LNX2: variants seen among roughly 807,000 people sequenced by gnomAD.
The protein encoded by LNX2 is ligand of Numb protein X 2.
Under a neutral mutation model 66.2 loss-of-function variants are expected in LNX2, and 35 were observed. That is an observed-to-expected ratio of 0.53 (90% CI 0.40 to 0.70). LNX2 has a LOEUF of 0.70. LNX2 is among the 30% of genes least tolerant of loss of function. The probability of loss-of-function intolerance (pLI) is 0.00; values close to 1 mark genes in which losing one functional copy is unlikely to be tolerated. For missense variants in LNX2, 791 were observed against 850.8 expected, an observed-to-expected ratio of 0.93 and a Z score of 0.87; for synonymous variants, 337 against 315.6, an observed-to-expected ratio of 1.07 and a Z score of -0.72.
At chr13:27,607,347 A>G (rs1203984182) in intron 1 of LNX2, among the ~76,000 whole-genome samples, 1 of 152,294 alleles carries the variant, frequency 6.6e-6, no homozygotes. Context: ...CATGGGTCAC[A>G]CTCCAAGTTC....
At chr13:27,557,273 C>G (rs1374865566) in intron 6 of LNX2, among the ~76,000 whole-genome samples, 1 of 151,946 alleles carries the variant, frequency 6.6e-6, no homozygotes, top group East Asian at 1.9e-4. Context: ...ATTATTGACC[C>G]CATTTTACAG....
At chr13:27,567,898 C>A in intron 3 of LNX2, 59 bp from the exon 4 acceptor site, 1 of 1,351,016 alleles carries the variant, frequency 7.4e-7, no homozygotes, top group Non-Finnish European at 1.1e-6. Flanking sequence ...ACAAACCCAA[C>A]AATTTATATT....
At chr13:27,609,419 G>A (rs990348784) in intron 1 of LNX2, among the ~76,000 whole-genome samples, 6 of 152,058 alleles carry the variant, frequency 3.9e-5, no homozygotes, top group Non-Finnish European at 5.9e-5. Flanking sequence ...GCTTCCCAAC[G>A]TGCTGGGTTT....
chr13:27,559,900 C>G lies in LNX2; in HGVS notation c.1310G>C (p.Ser437Thr). The G allele has an allele frequency of 1.2e-6, 2 of 1,611,232 alleles. No homozygotes were observed. The highest frequency in any genetic ancestry group is 4.5e-5 in the East Asian group (2 of 44,774). The part of the protein sequence containing the change: ...GNTIREAGNH[S>T]SSSQHHTPPP... The stretch of plus-strand genomic sequence containing the variant: ...TGGTGTGTGGTGCTGGCTGCTGCTG[C>G]TATGATTTCCTGCTTCTCTAATGGT... The change falls in exon 6 of 10, where the codon AGC (serine) becomes ACC (threonine). Residue 437 changes from serine (S) to threonine (T), a missense_variant. Physicochemically the swap from Ser to Thr is moderately conservative, Grantham distance 58. Transcript: ENST00000316334.
rs1446353767 is a variant in LNX2 at position 27,556,258 on chromosome 13, T to C, written c.1524A>G (p.Ala508=). ...VTSVPPHGCL[A]RDGRIKRGDV... ...TACCTCTCTTTATTCTGCCATCTCG[T>C]GCAAGGCAGCCATGGGGTGGCACAC... Residue 508 remains alanine, a synonymous_variant, in exon 7 of 10, where the codon GCA becomes GCG. Transcript: ENST00000316334. 1 of 1,613,858 alleles carries C rather than the reference T, an allele frequency of 6.2e-7. No homozygotes were observed. The highest frequency in any genetic ancestry group is 8.5e-7 in the Non-Finnish European group (1 of 1,179,938).
chr13:27,563,441 G>C (rs977637647), intron 4 of LNX2, among the ~76,000 whole-genome samples: 1 of 152,114 alleles, frequency 6.6e-6, no homozygotes, highest in Admixed American at 6.5e-5. Context: ...ACCATTAAAA[G>C]TAAAATATAA....
chr13:27,569,347 A>G lies in LNX2; in HGVS notation c.408-71T>C, dbSNP rs940356961. 12 of 1,512,010 alleles carry G rather than the reference A, an allele frequency of 7.9e-6. No homozygotes were observed. The African/African-American group carries it at 1.4e-4, about 18-fold the overall frequency. The allele number at this position is 1,512,010 out of a possible 1,614,324, so 93.7% of individuals were successfully genotyped here. ...ACAAACAAATAAAATAGGGAGGGGGACTAATAGCTTCTACACAAACAGAAC... is the reference window on the plus strand; with the variant it reads ...ACAAACAAATAAAATAGGGAGGGGGGCTAATAGCTTCTACACAAACAGAAC... On this transcript the variant is annotated intron_variant, in intron 2 of 9. Transcript: ENST00000316334.
In LNX2 at chr13:27,569,023, A is replaced by T. The variant is rs1955241681; in HGVS notation, c.655+6T>A. The T allele has an allele frequency of 6.2e-7, 1 of 1,611,238 alleles. No homozygotes were observed. The highest frequency in any genetic ancestry group is 1.1e-5 in the South Asian group (1 of 90,694). Reference sequence around the variant, plus strand: ...TGAAATACACAAGGAGTTGCACCACACATACTGTCAGCTCCAGCGCTCTCC... The same window carrying T: ...TGAAATACACAAGGAGTTGCACCACTCATACTGTCAGCTCCAGCGCTCTCC... On this transcript the variant is annotated splice_donor_region_variant and intron_variant, in intron 3 of 9. Coordinates refer to ENST00000316334, the MANE Select transcript of LNX2 (RefSeq NM_153371.4).
intron 1 of LNX2, among the ~76,000 whole-genome samples, chr13:27,592,778 G>C (rs979287109): frequency 1.6e-4 from 25 of 152,186 alleles, no homozygotes; most frequent in African/African-American, 4.8e-4. Context: ...GAATTGTACA[G>C]AGAAAGCAGA....
chr13:27,548,212 T>G lies in LNX2; in HGVS notation c.*123A>C. The G allele has an allele frequency of 1.2e-6, 1 of 814,000 alleles. No individual in the cohort carries two copies. Among genetic ancestry groups the G allele is most frequent in the South Asian group, 1.8e-5 (1 of 57,094 alleles). 50.4% of individuals were successfully genotyped at this position (814,000 alleles called of 1,614,324 possible). A position where few individuals can be genotyped will look rare whatever the true frequency, so the allele number is the denominator to read the frequency against. ...AACATAAACGGACAATCTTAGTGGG[T>G]TTTGGCCCTGTGTATACCAGCAGTG... On this transcript the variant is annotated 3_prime_UTR_variant, in exon 10 of 10. Coordinates refer to ENST00000316334, the MANE Select transcript of LNX2 (RefSeq NM_153371.4).
At chr13:27,549,934 G>A (rs910608136) in intron 9 of LNX2, among the ~76,000 whole-genome samples, 5 of 152,128 alleles carry the variant, frequency 3.3e-5, no homozygotes, top group Non-Finnish European at 5.9e-5. Context: ...CTTACTCAGC[G>A]CTCAATGTCA....
At chr13:27,617,009 A>T (rs988517681) in intron 1 of LNX2, among the ~76,000 whole-genome samples, 3 of 152,150 alleles carry the variant, frequency 2.0e-5, no homozygotes, top group African/African-American at 7.2e-5. Context: ...CAGCCTCCCA[A>T]AGTGCTAGAA....
chr13:27,605,668 T>C (rs1468448180), intron 1 of LNX2, among the ~76,000 whole-genome samples: 1 of 152,194 alleles, frequency 6.6e-6, no homozygotes, highest in African/African-American at 2.4e-5. Context: ...GCTCCAGTCC[T>C]TAAATGAAAA....
intron 1 of LNX2, among the ~76,000 whole-genome samples, chr13:27,601,911 G>A (rs1445260754): frequency 1.3e-5 from 2 of 152,016 alleles, no homozygotes; most frequent in African/African-American, 4.8e-5. Context: ...AACATTTTCA[G>A]GGTAAACACT....
chr13:27,603,780 C>T lies in LNX2; in HGVS notation c.-101+16595G>A, dbSNP rs185168225. 1.9e-3 allele frequency among the ~76,000 whole-genome samples: 283 copies of T among 152,130 alleles called. 3 individuals carry two copies. Among genetic ancestry groups the T allele is most frequent in the African/African-American group, 5.2e-3 (215 of 41,480 alleles). On this transcript the variant is annotated intron_variant, in intron 1 of 9. Transcript: ENST00000316334. ...AAATTTTAAGAAATGCTTCCTGACT[C>T]CTTAATGTCATTGTAGCTTACAATG...
chr13:27,568,744 C>T (rs1207798869), intron 3 of LNX2, among the ~76,000 whole-genome samples: 4 of 152,104 alleles, frequency 2.6e-5, no homozygotes, highest in Admixed American at 6.5e-5. Flanking sequence ...GTAATAACCA[C>T]GCGAATGACT....
chr13:27,567,549 T>C (rs996744756), intron 4 of LNX2, 91 bp downstream of exon 4: 1 of 989,912 alleles, frequency 1.0e-6, no homozygotes, highest in East Asian at 2.5e-5. Context: ...CTATATATAA[T>C]TTAGGTTCCA....
intron 6 of LNX2, among the ~76,000 whole-genome samples, chr13:27,559,095 G>A (rs1955097951): frequency 6.6e-6 from 1 of 152,120 alleles, no homozygotes; most frequent in Non-Finnish European, 1.5e-5. Context: ...GAAGTTAAGA[G>A]TTCAAATGAA....
intron 1 of LNX2, among the ~76,000 whole-genome samples, chr13:27,600,128 G>C (rs1324000907): frequency 6.6e-6 from 1 of 152,152 alleles, no homozygotes; most frequent in Non-Finnish European, 1.5e-5. Context: ...TGCACCAGAG[G>C]ATAGGGTTAC....
Sources: allele counts gnomAD v4.1 joint callset (sites outside exome capture counted in the v4.1 genomes callset), GRCh38; gene constraint gnomAD v4.1.1; transcripts MANE v1.5; gene names NCBI Gene and HGNC (gene_info 2026-07-23, HGNC 2026-07-21).